Variants in PPFIA2 observed in about 807,000 individuals in gnomAD.
The protein encoded by PPFIA2 is liprin-alpha-2.
In PPFIA2, 46 loss-of-function variants were observed where a neutral mutation model predicts 175.5. The observed-to-expected ratio is 0.26, with a 90% CI of 0.21 to 0.34. The LOEUF (loss-of-function observed/expected upper bound fraction) is 0.34. PPFIA2 is among the 10% of genes least tolerant of loss of function. The pLI, the probability that PPFIA2 is intolerant of heterozygous loss-of-function variation, is 1.00. For synonymous variants in PPFIA2, 568 were observed against 511.4 expected, an observed-to-expected ratio of 1.11 and a Z score of -1.49; for missense variants, 1,179 against 1,506.1, an observed-to-expected ratio of 0.78 and a Z score of 3.60.
chr12:81,516,373 T>G (rs966879154), intron 4 of PPFIA2, among the ~76,000 whole-genome samples: 1 of 152,162 alleles, frequency 6.6e-6, no homozygotes, highest in African/African-American at 2.4e-5. Context: ...CAATTATAAT[T>G]TGATATATAA....
intron 22 of PPFIA2, among the ~76,000 whole-genome samples, chr12:81,312,906 C>T (rs954790806): frequency 1.3e-5 from 2 of 152,000 alleles, no homozygotes; most frequent in Non-Finnish European, 2.9e-5. Flanking sequence ...TCCTCTTCTT[C>T]GGTGGCCATA....
chr12:81,260,552 G>A (rs1351643482), intron 32 of PPFIA2: 1 of 152,102 alleles, frequency 6.6e-6, no homozygotes, highest in East Asian at 1.9e-4. Flanking sequence ...TGTCTAATTA[G>A]GTGCCAAATT....
intron 7 of PPFIA2, among the ~76,000 whole-genome samples, chr12:81,426,318 C>T (rs576940740): frequency 5.5e-4 from 84 of 152,268 alleles, no homozygotes; most frequent in African/African-American, 2.0e-3. Flanking sequence ...TTTGTTTCTC[C>T]TGCTTTGGCT....
chr12:81,461,079 A>C (rs1265510338), intron 4 of PPFIA2, among the ~76,000 whole-genome samples: 1 of 152,094 alleles, frequency 6.6e-6, no homozygotes, highest in Non-Finnish European at 1.5e-5. Flanking sequence ...ATTTAAACCA[A>C]CTTTAACTTT....
At chr12:81,530,549 T>C (rs956071008) in intron 4 of PPFIA2, among the ~76,000 whole-genome samples, 1 of 151,888 alleles carries the variant, frequency 6.6e-6, no homozygotes, top group South Asian at 2.1e-4. Flanking sequence ...TTCAAGTTTA[T>C]TATTTTAAAA....
intron 3 of PPFIA2, among the ~76,000 whole-genome samples, chr12:81,685,395 A>C (rs893951192): frequency 7.2e-5 from 11 of 152,050 alleles, no homozygotes; most frequent in Non-Finnish European, 1.6e-4. Flanking sequence ...GTAAGCCAAA[A>C]GGTGTCCTTT....
At chr12:81,364,025 T>C (rs904169421) in intron 14 of PPFIA2, among the ~76,000 whole-genome samples, 1 of 151,824 alleles carries the variant, frequency 6.6e-6, no homozygotes, top group Non-Finnish European at 1.5e-5. Flanking sequence ...TATAGAAATA[T>C]AGCATGTTGT....
At chr12:81,486,092 T>C (rs1266760338) in intron 4 of PPFIA2, among the ~76,000 whole-genome samples, 1 of 151,898 alleles carries the variant, frequency 6.6e-6, no homozygotes, top group Non-Finnish European at 1.5e-5. Context: ...ATGTAACACA[T>C]AGGATTAATA....
chr12:81,586,768 C>G (rs1236477851), intron 4 of PPFIA2, among the ~76,000 whole-genome samples: 1 of 151,672 alleles, frequency 6.6e-6, no homozygotes, highest in Non-Finnish European at 1.5e-5. Flanking sequence ...CTGAGCTTCC[C>G]TAATTGATAT....
chr12:81,553,604 A>C (rs1023544973), intron 4 of PPFIA2, among the ~76,000 whole-genome samples: 2 of 152,042 alleles, frequency 1.3e-5, no homozygotes, highest in Non-Finnish European at 2.9e-5. Context: ...TTCAGGAACC[A>C]CAAGACTCTG....
intron 24 of PPFIA2, among the ~76,000 whole-genome samples, chr12:81,287,498 A>G (rs536324404): frequency 6.6e-6 from 1 of 152,006 alleles, no homozygotes; most frequent in South Asian, 2.1e-4. Flanking sequence ...CAGAAGTTGT[A>G]TGTTAGTTGT....
rs147669553 is a variant in PPFIA2, at chr12:81,293,925, T to C, written c.2925+910A>G. Among the ~76,000 whole-genome samples, 696 of 152,214 alleles carry C rather than the reference T, an allele frequency of 4.6e-3. 8 individuals are homozygous for C. Among genetic ancestry groups the C allele is most frequent in the African/African-American group, 0.016 (669 of 41,538 alleles). ...TCAGTGGATGATTGGATAAATAAAA[T>C]GTATATACACACCATGGAATACTAT... On this transcript the variant is annotated intron_variant, in intron 24 of 32. Coordinates refer to ENST00000549396, the MANE Select transcript of PPFIA2 (RefSeq NM_003625.5).
intron 17 of PPFIA2, among the ~76,000 whole-genome samples, chr12:81,352,555 C>T (rs984700003): frequency 2.0e-5 from 3 of 151,828 alleles, no homozygotes; most frequent in Admixed American, 1.3e-4. Flanking sequence ...TCATCTTGGA[C>T]CTTCCAGCCT....
chr12:81,363,895 A>G (rs920688598), intron 14 of PPFIA2, among the ~76,000 whole-genome samples: 1 of 151,910 alleles, frequency 6.6e-6, no homozygotes, highest in South Asian at 2.1e-4. Context: ...TATTTTCACA[A>G]AAGTGCGCTG....
At chr12:81,589,414 A>G (rs7977984) in intron 4 of PPFIA2, among the ~76,000 whole-genome samples, 1 of 152,100 alleles carries the variant, frequency 6.6e-6, no homozygotes, top group Non-Finnish European at 1.5e-5. Context: ...ATATAAGTTT[A>G]TTGGAAATTT....
At chr12:81,522,969 G>A (rs1349942023) in intron 4 of PPFIA2, among the ~76,000 whole-genome samples, 2 of 152,164 alleles carry the variant, frequency 1.3e-5, no homozygotes, top group African/African-American at 2.4e-5. Flanking sequence ...CAGGCTGATG[G>A]AGGTTCTGCC....
intron 21 of PPFIA2, among the ~76,000 whole-genome samples, chr12:81,334,844 C>T (rs990473749): frequency 1.3e-5 from 2 of 152,298 alleles, no homozygotes; most frequent in African/African-American, 4.8e-5. Flanking sequence ...TCTCACTTTC[C>T]AATTTTTGTA....
chr12:81,401,206 T>C (rs1032780622), intron 8 of PPFIA2, among the ~76,000 whole-genome samples: 1 of 152,138 alleles, frequency 6.6e-6, no homozygotes, highest in Non-Finnish European at 1.5e-5. Context: ...GCCCATTTCT[T>C]AGCACCTTTA....
intron 9 of PPFIA2, 47 bp from the exon 10 acceptor site, chr12:81,375,989 T>A (rs1334050344): frequency 6.6e-7 from 1 of 1,510,052 alleles, no homozygotes; most frequent in Admixed American, 1.8e-5. Flanking sequence ...TCTCAGATTG[T>A]TTAATTATTG....
Sources: allele counts gnomAD v4.1 joint callset (sites outside exome capture counted in the v4.1 genomes callset), GRCh38; gene constraint gnomAD v4.1.1; transcripts MANE v1.5; gene names NCBI Gene and HGNC (gene_info 2026-07-23, HGNC 2026-07-21).